The following PRDX1 variants were observed in gnomAD, a reference collection of about 807,000 sequenced individuals.
The protein encoded by PRDX1 is peroxiredoxin 1.
A neutral mutation model predicts 20.7 loss-of-function variants in PRDX1; 19 were observed. The observed-to-expected ratio is 0.92, with a 90% CI of 0.64 to 1.35. The LOEUF is 1.35. PRDX1 is among the 40% of genes most tolerant of loss of function. The probability of loss-of-function intolerance (pLI) is 0.00; values close to 1 mark genes in which losing one functional copy is unlikely to be tolerated. For synonymous variants in PRDX1, 89 were observed against 83.9 expected, an observed-to-expected ratio of 1.06 and a Z score of -0.33; for missense variants, 226 against 240.0, an observed-to-expected ratio of 0.94 and a Z score of 0.38.
intron 1 of PRDX1, 116 bp downstream of exon 1, chr1:45,521,713 G>T (rs1270218806): frequency 6.6e-6 from 1 of 152,438 alleles, no homozygotes; most frequent in Non-Finnish European, 1.5e-5. Context: ...GCTGCCTCAC[G>T]CATCACAGCA....
intron 5 of PRDX1, chr1:45,513,198 A>G (rs1643789078): frequency 6.6e-6 from 1 of 152,180 alleles, no homozygotes; most frequent in East Asian, 1.9e-4. Context: ...TTCTCTCAAT[A>G]AAGTTATTTA....
chr1:45,521,269 CCT>C (rs1643910541), intron 1 of PRDX1, among the ~76,000 whole-genome samples: 1 of 152,168 alleles, frequency 6.6e-6, no homozygotes, highest in Non-Finnish European at 1.5e-5. Context: ...TCAGGTGCCC[CCT>C]GTCCCTCCCC....
rs757405965 is a variant in PRDX1, at chr1:45,515,817, A to C, written c.107-10T>G. The C allele has an allele frequency of 1.3e-6, 2 of 1,547,334 alleles. No individual in the cohort carries two copies. The highest frequency in any genetic ancestry group is 2.5e-5 in the South Asian group (2 of 80,768). On this transcript the variant is annotated splice_polypyrimidine_tract_variant and intron_variant, in intron 2 of 5. Transcript: ENST00000319248. ...AACACAACATATTTTCCTGGGGGGA[A>C]AATCGGAGTCATGGTTAGCATTTGA...
In PRDX1 at chr1:45,514,647, G is replaced by T. The variant is rs369130331; in HGVS notation, c.384-10C>A. The T allele has an allele frequency of 3.3e-5, 53 of 1,613,446 alleles. No individual in the cohort carries two copies. The highest frequency in any genetic ancestry group is 1.2e-4 in the Admixed American group (7 of 60,004). ...AATGATAAAAAGGCCCCTGGGAAAA[G>T]AGATGAAAGGAAAAGCAATACAGGT... On this transcript the variant is annotated splice_polypyrimidine_tract_variant and intron_variant, in intron 4 of 5. Transcript: ENST00000319248.
intron 2 of PRDX1, among the ~76,000 whole-genome samples, chr1:45,517,370 A>C (rs1180641509): frequency 1.3e-5 from 2 of 152,208 alleles, no homozygotes; most frequent in African/African-American, 4.8e-5. Flanking sequence ...CCTGAGTTTC[A>C]GGTTAGCATT....
At chr1:45,520,735 A>T (rs1201719917) in intron 1 of PRDX1, among the ~76,000 whole-genome samples, 4 of 149,404 alleles carry the variant, frequency 2.7e-5, no homozygotes, top group Non-Finnish European at 5.9e-5. Flanking sequence ...AAAAAAAAAA[A>T]AAAAAAAAAA....
chr1:45,518,512 G>A (rs1643880819), intron 2 of PRDX1, among the ~76,000 whole-genome samples: 1 of 147,886 alleles, frequency 6.8e-6, no homozygotes, highest in African/African-American at 2.5e-5. Flanking sequence ...AGCCAGGCAT[G>A]GCAGCATGCC....
chr1:45,521,930 G>A (rs1643918535), upstream of PRDX1: 1 of 152,324 alleles, frequency 6.6e-6, no homozygotes, highest in Non-Finnish European at 1.5e-5. Flanking sequence ...TAGGGATCTC[G>A]CGAGAGTCGG....
intron 1 of PRDX1, among the ~76,000 whole-genome samples, chr1:45,520,600 T>G (rs1643902267): frequency 6.6e-6 from 1 of 151,464 alleles, no homozygotes; most frequent in East Asian, 1.9e-4. Flanking sequence ...GGCACGCGCC[T>G]GCAGTCCCAG....
At position 45,511,268 on chromosome 1, in the gene PRDX1, ACAG is replaced by A; in HGVS notation, c.*58_*60del. ...TGTTTTACTAATGGAAAAAAAAAATACAGAAGAGGTTTTGTTCTCATGGCTGCC... is the reference window on the plus strand; with the variant it reads ...TGTTTTACTAATGGAAAAAAAAAATAAAGAGGTTTTGTTCTCATGGCTGCC... On this transcript the variant is annotated 3_prime_UTR_variant, in exon 6 of 6. Coordinates refer to ENST00000319248, the MANE Select transcript of PRDX1 (RefSeq NM_181697.3). 1 of 1,353,758 alleles carries A rather than the reference ACAG, an allele frequency of 7.4e-7. No homozygotes were observed. Among genetic ancestry groups the A allele is most frequent in the Non-Finnish European group, 1.0e-6 (1 of 987,832 alleles). 83.9% of individuals were successfully genotyped at this position (1,353,758 alleles called of 1,614,324 possible).
At chr1:45,520,823 G>C (rs1486290697) in intron 1 of PRDX1, among the ~76,000 whole-genome samples, 2 of 151,534 alleles carry the variant, frequency 1.3e-5, no homozygotes, top group Non-Finnish European at 2.9e-5. Context: ...AGAATTGCTT[G>C]AATTCGGGAG....
At chr1:45,517,173 C>A (rs1643869097) in intron 2 of PRDX1, among the ~76,000 whole-genome samples, 1 of 152,096 alleles carries the variant, frequency 6.6e-6, no homozygotes. Flanking sequence ...GGGCAGAGAA[C>A]AGCTCCTCCT....
intron 1 of PRDX1, among the ~76,000 whole-genome samples, chr1:45,520,723 C>CAAAAAAAA (rs71052895): frequency 1.2e-4 from 7 of 57,496 alleles, no homozygotes; most frequent in Non-Finnish European, 1.6e-4. Flanking sequence ...GACTCCGTCT[C>CAAAAAAAA]AAAAAAAAAA....
intron 2 of PRDX1, among the ~76,000 whole-genome samples, chr1:45,516,077 T>C (rs1023455735): frequency 2.0e-5 from 3 of 152,234 alleles, no homozygotes; most frequent in African/African-American, 7.2e-5. Flanking sequence ...ATTTTGATCT[T>C]TTCTGAGTGG....
intron 1 of PRDX1, among the ~76,000 whole-genome samples, chr1:45,520,534 C>G (rs1643901331): frequency 6.6e-6 from 1 of 151,810 alleles, no homozygotes. Flanking sequence ...ACCAGCCTGG[C>G]CATCATAGTG....
intron 1 of PRDX1, among the ~76,000 whole-genome samples, chr1:45,520,362 A>T (rs1258174851): frequency 6.6e-6 from 1 of 152,122 alleles, no homozygotes; most frequent in East Asian, 1.9e-4. Flanking sequence ...GAAAACAAGT[A>T]TAAGAATCAA....
chr1:45,515,136 T>G, intron 3 of PRDX1, 141 bp from the exon 4 acceptor site: 1 of 1,232,620 alleles, frequency 8.1e-7, no homozygotes, highest in Non-Finnish European at 1.1e-6. Flanking sequence ...AAGTGAATGC[T>G]GAGAACAGTT....
chr1:45,511,098 T>C lies in PRDX1; in HGVS notation c.*231A>G. Reference sequence around the variant, plus strand: ...ACTACAAAAGATTAATGGGTTGCTCTACTAATACATCATACAAACCAGTAG... The same window carrying C: ...ACTACAAAAGATTAATGGGTTGCTCCACTAATACATCATACAAACCAGTAG... On this transcript the variant is annotated 3_prime_UTR_variant, in exon 6 of 6. Coordinates refer to ENST00000319248, the MANE Select transcript of PRDX1 (RefSeq NM_181697.3). 2 of 396,776 alleles carry C rather than the reference T, an allele frequency of 5.0e-6. No individual in the cohort carries two copies. The highest frequency in any genetic ancestry group is 9.0e-6 in the Non-Finnish European group (2 of 222,710). The allele number at this position is 396,776 out of a possible 1,614,324, so 24.6% of individuals were successfully genotyped here.
chr1:45,520,420 C>T (rs142793133), intron 1 of PRDX1, among the ~76,000 whole-genome samples: 51 of 152,010 alleles, frequency 3.4e-4, no homozygotes, highest in African/African-American at 1.2e-3. Context: ...AGATCAACAC[C>T]AAGATTAGTA....
Sources: gnomAD v4.1 joint callset for allele counts (sites outside exome capture counted in the v4.1 genomes callset) on GRCh38, gnomAD v4.1.1 for gene constraint, MANE v1.5 for transcripts, NCBI Gene and HGNC (gene_info 2026-07-23, HGNC 2026-07-21) for gene names.